The following N4BP2L2 variants were observed in gnomAD, a reference collection of about 807,000 sequenced individuals.
N4BP2L2 encodes NEDD4-binding protein 2-like 2.
Under a neutral mutation model 56.2 loss-of-function variants are expected in N4BP2L2, and 50 were observed. That is an observed-to-expected ratio of 0.89 (90% CI 0.71 to 1.13). The LOEUF is 1.13. N4BP2L2 is among the 50% of genes most tolerant of loss of function. The pLI is 0.00. For synonymous variants in N4BP2L2, 203 were observed against 223.6 expected, an observed-to-expected ratio of 0.91 and a Z score of 0.82; for missense variants, 689 against 693.8, an observed-to-expected ratio of 0.99 and a Z score of 0.08.
chr13:32,490,667 G>A (rs533681732), intron 6 of N4BP2L2, among the ~76,000 whole-genome samples: 1 of 152,066 alleles, frequency 6.6e-6, no homozygotes, highest in African/African-American at 2.4e-5. Context: ...CCTTTTTGGG[G>A]GTGGTTTCGG....
At chr13:32,446,537 C>G (rs1018376450) in intron 6 of N4BP2L2, 1 of 1,291,650 alleles carries the variant, frequency 7.7e-7, no homozygotes, top group East Asian at 5.6e-5. Context: ...GTTATTCATT[C>G]GATTAAATGG....
Position 32,535,758 on chromosome 13 carries a change from C to T in N4BP2L2, c.1259+11G>A. 1 of 1,607,714 alleles carries T rather than the reference C, an allele frequency of 6.2e-7. No individual in the cohort carries two copies. Among genetic ancestry groups the T allele is most frequent in the Non-Finnish European group, 8.5e-7 (1 of 1,176,986 alleles). ...GAATTACCAAGTATTCAGTTGGTAT[C>T]CTTTACTTACCGAGACAATGTTGTT... On this transcript the variant is annotated intron_variant, in intron 2 of 5. Transcript: ENST00000267068.
At position 32,513,267 on chromosome 13, in the gene N4BP2L2, T is replaced by G. The variant is rs1406714576; in HGVS notation, c.*4535A>C. 5 of 152,346 alleles carry G rather than the reference T, an allele frequency of 3.3e-5. No individual in the cohort carries two copies. The East Asian group carries it at 9.6e-4, about 29-fold the overall frequency. 9.4% of individuals were successfully genotyped at this position (152,346 alleles called of 1,614,324 possible). A position where few individuals can be genotyped will look rare whatever the true frequency, so the allele number is the denominator to read the frequency against. ...AGTGAAAACTTAGGCTTAACATATTTGGCAATTTAAATCAACTAAATTGAA... is the reference window on the plus strand; with the variant it reads ...AGTGAAAACTTAGGCTTAACATATTGGGCAATTTAAATCAACTAAATTGAA... On this transcript the variant is annotated 3_prime_UTR_variant, in exon 6 of 6. Transcript: ENST00000267068.
chr13:32,494,278 G>A (rs1192538652), intron 6 of N4BP2L2, among the ~76,000 whole-genome samples: 3 of 151,564 alleles, frequency 2.0e-5, no homozygotes, highest in African/African-American at 7.3e-5. Flanking sequence ...GTGAGACTCG[G>A]TCTAAAAAAT....
At chr13:32,439,854 TCCA>T (rs748549630) in intron 7 of N4BP2L2, among the ~76,000 whole-genome samples, 127 of 43,488 alleles carry the variant, frequency 2.9e-3, no homozygotes, top group African/African-American at 4.9e-3. Context: ...CTATTAAGAA[TCCA>T]AAAAAAAAAA....
At chr13:32,528,485 G>A (rs1161590169) in intron 2 of N4BP2L2, among the ~76,000 whole-genome samples, 4 of 152,140 alleles carry the variant, frequency 2.6e-5, no homozygotes, top group Non-Finnish European at 5.9e-5. Context: ...TTTTGAAAAC[G>A]ATACTGCCTT....
chr13:32,468,311 G>A (rs1354183459), intron 6 of N4BP2L2, among the ~76,000 whole-genome samples: 5 of 150,924 alleles, frequency 3.3e-5, no homozygotes, highest in Admixed American at 6.6e-5. Context: ...GATATGAAAA[G>A]AGGAATATTT....
At chr13:32,504,105 T>A (rs906793526) in intron 6 of N4BP2L2, among the ~76,000 whole-genome samples, 11 of 152,188 alleles carry the variant, frequency 7.2e-5, no homozygotes, top group Non-Finnish European at 1.3e-4. Flanking sequence ...ATATAACAGA[T>A]GAATTAGGAC....
intron 6 of N4BP2L2, among the ~76,000 whole-genome samples, chr13:32,491,448 T>C (rs561800591): frequency 1.3e-5 from 2 of 150,740 alleles, no homozygotes; most frequent in Non-Finnish European, 2.9e-5. Context: ...GATGGGCTGG[T>C]CACACCAAAA....
chr13:32,503,026 A>C (rs887810128), intron 6 of N4BP2L2, among the ~76,000 whole-genome samples: 1 of 151,882 alleles, frequency 6.6e-6, no homozygotes, highest in South Asian at 2.1e-4. Flanking sequence ...TGCAAAAATT[A>C]GTCGGGCGTG....
At chr13:32,449,815 T>C (rs571245089) in intron 6 of N4BP2L2, among the ~76,000 whole-genome samples, 12 of 152,364 alleles carry the variant, frequency 7.9e-5, no homozygotes, top group South Asian at 6.2e-4. Flanking sequence ...GTGATACTTA[T>C]GATTTACTTA....
chr13:32,532,389 T>C (rs908903437), intron 2 of N4BP2L2, among the ~76,000 whole-genome samples: 3 of 152,192 alleles, frequency 2.0e-5, no homozygotes, highest in Non-Finnish European at 4.4e-5. Context: ...GGTTTTGTTT[T>C]TACTCTTAGT....
chr13:32,536,640 G>T, exon 2 of N4BP2L2: 2 of 1,613,896 alleles, frequency 1.2e-6, no homozygotes, highest in African/African-American at 1.3e-5. Flanking sequence ...TTCTCAGGGG[G>T]TTTGTAAATG....
At chr13:32,538,209 G>A (rs560711652) in intron 1 of N4BP2L2, among the ~76,000 whole-genome samples, 2 of 152,102 alleles carry the variant, frequency 1.3e-5, no homozygotes, top group Non-Finnish European at 1.5e-5. Flanking sequence ...ACAAAAAGGC[G>A]AACTACAGAA....
intron 7 of N4BP2L2, chr13:32,438,856 G>T: frequency 1.5e-6 from 1 of 672,714 alleles, no homozygotes. Flanking sequence ...TGGTTTTAAA[G>T]ATATTTCGGT....
At chr13:32,537,611 A>G (rs2056864582) in intron 1 of N4BP2L2, among the ~76,000 whole-genome samples, 1 of 152,214 alleles carries the variant, frequency 6.6e-6, no homozygotes, top group African/African-American at 2.4e-5. Flanking sequence ...GTGAGTAGTT[A>G]GCATAAAAGA....
At chr13:32,516,930 C>T in exon 6 of N4BP2L2, 1 of 983,286 alleles carries the variant, frequency 1.0e-6, no homozygotes, top group Non-Finnish European at 1.2e-6. Context: ...TATGAAGAAA[C>T]ACATCTAAAA....
chr13:32,505,552 C>G (rs1327641329), downstream of N4BP2L2: 1 of 152,144 alleles, frequency 6.6e-6, no homozygotes, highest in Non-Finnish European at 1.5e-5. Flanking sequence ...CTTTAAGCAG[C>G]AAGAAGAAAC....
chr13:32,520,341 G>A (rs2050467872), intron 5 of N4BP2L2, among the ~76,000 whole-genome samples: 1 of 149,644 alleles, frequency 6.7e-6, no homozygotes, highest in South Asian at 2.1e-4. Context: ...GTGGGGACGA[G>A]GAAGACGATA....
Sources: gnomAD v4.1 joint callset for allele counts (sites outside exome capture counted in the v4.1 genomes callset) on GRCh38, gnomAD v4.1.1 for gene constraint, MANE v1.5 for transcripts, NCBI Gene and HGNC (gene_info 2026-07-23, HGNC 2026-07-21) for gene names.